DPYD: variants seen among roughly 807,000 people sequenced by gnomAD.
The protein encoded by DPYD is dihydropyrimidine dehydrogenase [NADP(+)].
A neutral mutation model predicts 116.2 loss-of-function variants in DPYD; 109 were observed. That is an observed-to-expected ratio of 0.94 (90% confidence interval 0.80 to 1.10). DPYD has a LOEUF of 1.10. Ranked by LOEUF, DPYD falls within the 50% of genes least tolerant of loss-of-function variation. The pLI, the probability that DPYD is intolerant of heterozygous loss-of-function variation, is 0.00. For missense variants in DPYD, 1,302 were observed against 1,254.5 expected, an observed-to-expected ratio of 1.04 and a Z score of -0.57; for synonymous variants, 440 against 432.0, an observed-to-expected ratio of 1.02 and a Z score of -0.23.
At chr1:97,358,021 G>C (rs1670511047) in intron 16 of DPYD, among the ~76,000 whole-genome samples, 2 of 152,222 alleles carry the variant, frequency 1.3e-5, no homozygotes, top group Admixed American at 1.3e-4. Flanking sequence ...GGAAGCACAA[G>C]TGGTTGGGGG....
intron 1 of DPYD, among the ~76,000 whole-genome samples, chr1:97,884,455 T>C (rs781575347): frequency 5.9e-5 from 9 of 152,170 alleles, no homozygotes; most frequent in Non-Finnish European, 8.8e-5. Context: ...AACTTTCACA[T>C]GGAAGAGAGA....
At chr1:97,470,244 A>G (rs1280908202) in intron 13 of DPYD, among the ~76,000 whole-genome samples, 1 of 152,272 alleles carries the variant, frequency 6.6e-6, no homozygotes, top group East Asian at 1.9e-4. Context: ...TTATTTTACT[A>G]TCTGTGCCAC....
chr1:97,660,610 G>T (rs79415308), intron 8 of DPYD, among the ~76,000 whole-genome samples: 11,132 of 152,014 alleles, frequency 0.073, 605 homozygotes, highest in Non-Finnish European at 0.097. Flanking sequence ...AGGACTCAAG[G>T]TTCTTTCTCT....
chr1:97,570,852 C>A (rs1426279772), intron 11 of DPYD, among the ~76,000 whole-genome samples: 1 of 151,850 alleles, frequency 6.6e-6, no homozygotes, highest in Non-Finnish European at 1.5e-5. Flanking sequence ...CGCTCATTTT[C>A]ATACTCTCTA....
At chr1:97,453,948 A>G (rs1243077092) in intron 13 of DPYD, among the ~76,000 whole-genome samples, 1 of 152,056 alleles carries the variant, frequency 6.6e-6, no homozygotes, top group African/African-American at 2.4e-5. Context: ...AAACAGGTCA[A>G]TTTTCTCATT....
At chr1:97,278,181 T>C (rs1160099603) in intron 18 of DPYD, among the ~76,000 whole-genome samples, 2 of 152,244 alleles carry the variant, frequency 1.3e-5, no homozygotes, top group African/African-American at 4.8e-5. Flanking sequence ...TATTCTAAAA[T>C]GTTTCTTTCT....
intron 3 of DPYD, among the ~76,000 whole-genome samples, chr1:97,800,687 G>C (rs917311907): frequency 6.6e-6 from 1 of 151,726 alleles, no homozygotes. Flanking sequence ...CCATCTCTGT[G>C]GACCTATTTG....
chr1:97,593,386 T>C lies in DPYD; in HGVS notation c.960A>G (p.Gly320=). The C allele has an allele frequency of 6.2e-7, 1 of 1,614,038 alleles. No homozygotes were observed. Among genetic ancestry groups the C allele is most frequent in the Non-Finnish European group, 8.5e-7 (1 of 1,180,014 alleles). The change falls in exon 10 of 23, where the codon GGA becomes GGG. Residue 320 remains glycine (G), a splice_region_variant and synonymous_variant. Coordinates refer to ENST00000370192, the MANE Select transcript of DPYD (RefSeq NM_000110.4). ...LPLVAKGSKA[G]MCACHSPLPS... ...GCAATGGAGAGTGACAGGCGCACATTCCTGAATGATGAAAGGAAAACCCCA... is the reference window on the plus strand; with the variant it reads ...GCAATGGAGAGTGACAGGCGCACATCCCTGAATGATGAAAGGAAAACCCCA...
chr1:97,609,355 G>A (rs1367006776), intron 8 of DPYD, among the ~76,000 whole-genome samples: 2 of 151,858 alleles, frequency 1.3e-5, no homozygotes, highest in African/African-American at 4.8e-5. Context: ...TTTTGTCAAT[G>A]TATTCTACAG....
intron 15 of DPYD, among the ~76,000 whole-genome samples, chr1:97,376,587 A>C (rs892615730): frequency 1.3e-5 from 2 of 152,140 alleles, no homozygotes; most frequent in African/African-American, 4.8e-5. Flanking sequence ...CCACCTTAAA[A>C]GGCAGTTAAT....
chr1:97,171,288 T>A (rs1656708669), intron 20 of DPYD, among the ~76,000 whole-genome samples: 1 of 152,138 alleles, frequency 6.6e-6, no homozygotes. Flanking sequence ...TAATTTATCC[T>A]AAGTTCACTG....
Position 97,248,291 on chromosome 1 carries a change from G to A in DPYD, c.2300-13297C>T, listed in dbSNP as rs143038872. Among the ~76,000 whole-genome samples the A allele has an allele frequency of 5.9e-5, 9 of 152,232 alleles. No individual in the cohort carries two copies. The East Asian group carries it at 9.7e-4, about 16-fold the overall frequency. Reference sequence around the variant, plus strand: ...TGGGAGGTGATTGGATTATGGGGGCGGGTCTTTCCTGCGCTGTTCTTGTGA... The same window carrying A: ...TGGGAGGTGATTGGATTATGGGGGCAGGTCTTTCCTGCGCTGTTCTTGTGA... On this transcript the variant is annotated intron_variant, in intron 18 of 22. Coordinates refer to ENST00000370192, the MANE Select transcript of DPYD (RefSeq NM_000110.4).
chr1:97,659,132 CT>C (rs1342545268), intron 8 of DPYD, among the ~76,000 whole-genome samples: 4 of 152,160 alleles, frequency 2.6e-5, no homozygotes, highest in Non-Finnish European at 5.9e-5. Flanking sequence ...GGGAATCTCT[CT>C]ATCACTACTT....
intron 13 of DPYD, among the ~76,000 whole-genome samples, chr1:97,465,786 T>G (rs1294122809): frequency 6.6e-6 from 1 of 152,192 alleles, no homozygotes; most frequent in African/African-American, 2.4e-5. Flanking sequence ...AATACATGTG[T>G]AAAACCAAGC....
chr1:97,555,721 G>GCT (rs1029511906), intron 11 of DPYD, among the ~76,000 whole-genome samples: 3 of 151,484 alleles, frequency 2.0e-5, no homozygotes, highest in African/African-American at 7.3e-5. Context: ...CTATACCTTC[G>GCT]CTCTCTCTCT....
At chr1:97,695,207 G>T (rs1013957186) in intron 6 of DPYD, among the ~76,000 whole-genome samples, 4 of 151,840 alleles carry the variant, frequency 2.6e-5, no homozygotes, top group Non-Finnish European at 4.4e-5. Flanking sequence ...TGGAATTTTT[G>T]TGTTTAAAAT....
intron 15 of DPYD, among the ~76,000 whole-genome samples, chr1:97,378,587 T>G (rs1030060912): frequency 6.6e-6 from 1 of 152,198 alleles, no homozygotes; most frequent in Non-Finnish European, 1.5e-5. Context: ...TCACTGGATT[T>G]TAAACACTTC....
rs535391260 is a variant in DPYD, at chr1:97,861,591, C to CA, written c.150+21672dup. 4.7e-3 allele frequency among the ~76,000 whole-genome samples: 708 copies of CA among 151,548 alleles called. 11 individuals carry two copies. Among genetic ancestry groups the CA allele is most frequent in the African/African-American group, 0.017 (683 of 41,388 alleles). ...CAATAATAAAAAGACAATATAACAA[C>CA]AAAAAAATGGACATAAGACATGGAG... On this transcript the variant is annotated intron_variant, in intron 2 of 22. Coordinates refer to ENST00000370192, the MANE Select transcript of DPYD (RefSeq NM_000110.4).
At chr1:97,534,233 T>C (rs1262937253) in intron 12 of DPYD, among the ~76,000 whole-genome samples, 1 of 152,164 alleles carries the variant, frequency 6.6e-6, no homozygotes, top group Non-Finnish European at 1.5e-5. Context: ...CAGGATGTTG[T>C]CTGGTATACA....
Sources: gnomAD v4.1 joint callset for allele counts (sites outside exome capture counted in the v4.1 genomes callset) on GRCh38, gnomAD v4.1.1 for gene constraint, MANE v1.5 for transcripts, NCBI Gene and HGNC (gene_info 2026-07-23, HGNC 2026-07-21) for gene names.